Variants in PREX2 observed in about 807,000 individuals in gnomAD.
PREX2 encodes phosphatidylinositol-3,4,5-trisphosphate dependent Rac exchange factor 2, also known as phosphatidylinositol 3,4,5-trisphosphate-dependent Rac exchanger 2 protein.
In PREX2, 107 loss-of-function variants were observed where a neutral mutation model predicts 203.2. That is an observed-to-expected ratio of 0.53 (90% confidence interval 0.45 to 0.62). The LOEUF is 0.62. Among genes scored for constraint, PREX2 ranks in the 20% least tolerant of loss-of-function variants. PREX2 has a pLI of 0.00. For synonymous variants in PREX2, 672 were observed against 663.6 expected (o/e 1.01, Z -0.19); for missense variants, 1,777 against 1,955.9 (o/e 0.91, Z 1.72).
chr8:68,003,002 TA>T (rs1806987737), intron 1 of PREX2, among the ~76,000 whole-genome samples: 1 of 152,236 alleles, frequency 6.6e-6, no homozygotes, highest in South Asian at 2.1e-4. Flanking sequence ...CTTACTATAA[TA>T]ATTACAGTTA....
At position 68,009,809 on chromosome 8, in the gene PREX2, T is replaced by C. The variant is rs571123871; in HGVS notation, c.142-8037T>C. On this transcript the variant is annotated intron_variant, in intron 1 of 39. Coordinates refer to ENST00000288368, the MANE Select transcript of PREX2 (RefSeq NM_024870.4). ...GAATTGTTTTTGTTTAAGTGTTCCA[T>C]TGGTGCTGTAAAGAGTTGGTAGCAC... Among the ~76,000 whole-genome samples, 7 of 152,358 alleles carry C rather than the reference T, an allele frequency of 4.6e-5. No homozygotes were observed. The East Asian group carries it at 9.6e-4, about 21-fold the overall frequency.
chr8:68,163,078 T>G (rs1185443459), intron 35 of PREX2, among the ~76,000 whole-genome samples: 3 of 152,228 alleles, frequency 2.0e-5, no homozygotes, highest in Non-Finnish European at 2.9e-5. Flanking sequence ...GAAAAGCATT[T>G]GGTCTAGTTA....
intron 25 of PREX2, among the ~76,000 whole-genome samples, chr8:68,115,551 T>C (rs1238375237): frequency 6.6e-6 from 1 of 150,770 alleles, no homozygotes; most frequent in East Asian, 1.9e-4. Context: ...CTGGTCTAAA[T>C]TGTATGTTGT....
At chr8:68,114,275 T>C (rs2129612931) in intron 25 of PREX2, 1 of 504,482 alleles carries the variant, frequency 2.0e-6, no homozygotes, top group Admixed American at 2.0e-5. Flanking sequence ...CAGCATTGGG[T>C]TTGACATTAT....
intron 7 of PREX2, among the ~76,000 whole-genome samples, chr8:68,038,923 T>C (rs1450619728): frequency 1.3e-5 from 2 of 152,106 alleles, no homozygotes; most frequent in African/African-American, 4.8e-5. Context: ...CACCTGAGTC[T>C]CCTGTCCTAG....
intron 8 of PREX2, among the ~76,000 whole-genome samples, chr8:68,051,597 G>A (rs1808529535): frequency 6.6e-6 from 1 of 151,908 alleles, no homozygotes; most frequent in African/African-American, 2.4e-5. Context: ...TATTAAGGAG[G>A]GATTGCACTG....
At chr8:68,055,398 CTTTCT>C (rs2129611190) in intron 9 of PREX2, among the ~76,000 whole-genome samples, 1 of 152,254 alleles carries the variant, frequency 6.6e-6, no homozygotes, top group South Asian at 2.1e-4. Context: ...TCTGTGAAAC[CTTTCT>C]TAACATTTCT....
intron 1 of PREX2, among the ~76,000 whole-genome samples, chr8:68,002,801 G>A (rs959242475): frequency 6.6e-6 from 1 of 152,116 alleles, no homozygotes; most frequent in African/African-American, 2.4e-5. Flanking sequence ...ACTACATGGT[G>A]GAAAACAGAG....
At chr8:67,955,031 T>C (rs1242491466) in intron 1 of PREX2, among the ~76,000 whole-genome samples, 3 of 151,048 alleles carry the variant, frequency 2.0e-5, no homozygotes, top group African/African-American at 7.3e-5. Context: ...TTAATCCCAG[T>C]TACTCAGGAG....
intron 32 of PREX2, among the ~76,000 whole-genome samples, chr8:68,137,056 C>A (rs577322329): frequency 6.6e-6 from 1 of 151,986 alleles, no homozygotes; most frequent in Admixed American, 6.6e-5. Context: ...TAGGTGTGCA[C>A]CACGATGCTC....
At chr8:67,970,580 A>G (rs1399358113) in intron 1 of PREX2, among the ~76,000 whole-genome samples, 1 of 152,228 alleles carries the variant, frequency 6.6e-6, no homozygotes, top group Non-Finnish European at 1.5e-5. Context: ...TTGGGAAAAT[A>G]TACCAAACAT....
rs754515566 is a variant in PREX2, at chr8:68,027,290, A to G, written c.510A>G (p.Ile170Met). The change falls in exon 5 of 40, where the codon ATA becomes ATG. Residue 170 changes from isoleucine (I) to methionine (M), a missense_variant. Physicochemically the swap from Ile to Met is conservative, Grantham distance 10. Transcript: ENST00000288368. Reference sequence around the variant, plus strand: ...TGGAAGGATATTTAGTAACACCAATACAAAGAATATGCAAGTACCCTCTTA... The same window carrying G: ...TGGAAGGATATTTAGTAACACCAATGCAAAGAATATGCAAGTACCCTCTTA... Reference protein sequence around the residue: ...VPLEGYLVTPIQRICKYPLIL... With the variant: ...VPLEGYLVTPMQRICKYPLIL... The G allele has an allele frequency of 1.9e-6, 3 of 1,610,676 alleles. No homozygotes were observed. Among genetic ancestry groups the G allele is most frequent in the African/African-American group, 1.3e-5 (1 of 74,932 alleles).
chr8:68,181,183 G>T (rs1812078349), intron 35 of PREX2, among the ~76,000 whole-genome samples: 2 of 152,136 alleles, frequency 1.3e-5, no homozygotes, highest in Non-Finnish European at 2.9e-5. Context: ...TTCAATTCCA[G>T]CTATTTCCTT....
chr8:67,973,806 G>T (rs1805993001), intron 1 of PREX2, among the ~76,000 whole-genome samples: 1 of 152,108 alleles, frequency 6.6e-6, no homozygotes, highest in African/African-American at 2.4e-5. Flanking sequence ...TTTTACAGCT[G>T]GGAGCAGTTG....
At chr8:68,191,153 A>G (rs1812285099) in intron 35 of PREX2, among the ~76,000 whole-genome samples, 1 of 152,196 alleles carries the variant, frequency 6.6e-6, no homozygotes, top group Admixed American at 6.5e-5. Flanking sequence ...GTAATAAAAA[A>G]GAGCCATTGA....
At chr8:68,092,941 A>G (rs1376742489) in intron 20 of PREX2, among the ~76,000 whole-genome samples, 2 of 152,278 alleles carry the variant, frequency 1.3e-5, no homozygotes, top group East Asian at 3.9e-4. Flanking sequence ...AGTGTGAGTC[A>G]CCATGCCCAG....
At chr8:67,984,616 C>T (rs1339892497) in intron 1 of PREX2, among the ~76,000 whole-genome samples, 2 of 152,120 alleles carry the variant, frequency 1.3e-5, no homozygotes, top group Non-Finnish European at 2.9e-5. Context: ...GAAATGCAAG[C>T]CAGGACTTGT....
At chr8:67,967,211 T>G (rs1046712799) in intron 1 of PREX2, among the ~76,000 whole-genome samples, 1 of 152,186 alleles carries the variant, frequency 6.6e-6, no homozygotes, top group African/African-American at 2.4e-5. Context: ...TAGTGATAAT[T>G]CAGAGGTGAG....
chr8:68,080,981 C>A, intron 17 of PREX2, 143 bp downstream of exon 17: 1 of 642,788 alleles, frequency 1.6e-6, no homozygotes, highest in Non-Finnish European at 2.7e-6. Context: ...TAATCTTACT[C>A]ACAGGTTCTA....
Sources: allele counts gnomAD v4.1 joint callset (sites outside exome capture counted in the v4.1 genomes callset), GRCh38; gene constraint gnomAD v4.1.1; transcripts MANE v1.5; gene names NCBI Gene and HGNC (gene_info 2026-07-23, HGNC 2026-07-21).